MRC1: variants seen among roughly 807,000 people sequenced by gnomAD.
The protein encoded by MRC1 is mannose receptor C-type 1.
In MRC1, 62 loss-of-function variants were observed where a neutral mutation model predicts 102.9. That is an observed-to-expected ratio of 0.60 (90% CI 0.49 to 0.74). The LOEUF is 0.74. MRC1 is among the 30% of genes least tolerant of loss of function. The probability of loss-of-function intolerance (pLI) is 0.00; values close to 1 mark genes in which losing one functional copy is unlikely to be tolerated. For missense variants in MRC1, 1,237 were observed against 862.8 expected, an observed-to-expected ratio of 1.43 and a Z score of -5.43; for synonymous variants, 457 against 298.4, an observed-to-expected ratio of 1.53 and a Z score of -5.48.
intron 3 of MRC1, among the ~76,000 whole-genome samples, chr10:17,829,274 C>T (rs1838532150): frequency 6.6e-6 from 1 of 151,448 alleles, no homozygotes. Flanking sequence ...TAAAAAATAC[C>T]TGAATTTGAC....
At chr10:17,827,407 A>ATCCCTCTGTGGGTGC in intron 2 of MRC1, 135 bp from the exon 3 acceptor site, 2 of 305,332 alleles carry the variant, frequency 6.6e-6, no homozygotes, top group East Asian at 6.2e-5. Context: ...AAAAAAAAAA[A>ATCCCTCTGTGGGTGC]AAAGAAATCC....
At chr10:17,829,569 T>G (rs1838537865) in intron 3 of MRC1, among the ~76,000 whole-genome samples, 1 of 151,560 alleles carries the variant, frequency 6.6e-6, no homozygotes, top group Non-Finnish European at 1.5e-5. Context: ...AGATGTCGAA[T>G]TTTGTATTCG....
intron 21 of MRC1, among the ~76,000 whole-genome samples, 182 bp downstream of exon 21, chr10:17,881,363 A>G (rs1833514933): frequency 6.6e-6 from 1 of 152,208 alleles, no homozygotes; most frequent in African/African-American, 2.4e-5. Flanking sequence ...TAAGCTGTTT[A>G]TTTTATATAA....
chr10:17,897,222 T>C (rs1022608549), intron 23 of MRC1, among the ~76,000 whole-genome samples: 3 of 152,212 alleles, frequency 2.0e-5, no homozygotes, highest in Non-Finnish European at 4.4e-5. Flanking sequence ...CTGGCTATTA[T>C]TTGCTGACTT....
intron 15 of MRC1, 54 bp from the exon 16 acceptor site, chr10:17,873,730 G>A (rs1589187928): frequency 1.2e-6 from 1 of 856,932 alleles, no homozygotes; most frequent in East Asian, 2.4e-5. Context: ...AGAAGGAAAT[G>A]TAATTAGCAG....
intron 24 of MRC1, among the ~76,000 whole-genome samples, chr10:17,900,503 G>C (rs1366372039): frequency 6.6e-6 from 1 of 152,082 alleles, no homozygotes; most frequent in East Asian, 1.9e-4. Context: ...CAAACAAGGG[G>C]AGTTTCACGG....
chr10:17,826,289 G>A (rs1032471679), intron 2 of MRC1, among the ~76,000 whole-genome samples: 2 of 151,804 alleles, frequency 1.3e-5, no homozygotes, highest in Non-Finnish European at 2.9e-5. Flanking sequence ...AGCAACCTCC[G>A]CCTCCCGGGT....
intron 18 of MRC1, among the ~76,000 whole-genome samples, chr10:17,878,306 G>T (rs1833464645): frequency 6.6e-6 from 1 of 152,120 alleles, no homozygotes; most frequent in African/African-American, 2.4e-5. Flanking sequence ...AATCCCATCT[G>T]GGATGATAAC....
At chr10:17,901,824 A>C (rs1034592819) in intron 25 of MRC1, 149 bp from the exon 26 acceptor site, 12 of 722,228 alleles carry the variant, frequency 1.7e-5, no homozygotes, top group East Asian at 1.2e-4. Context: ...AAGGAAACCC[A>C]ATAATAAATA....
At chr10:17,820,321 T>TA (rs2130585386) in intron 1 of MRC1, among the ~76,000 whole-genome samples, 1 of 152,146 alleles carries the variant, frequency 6.6e-6, no homozygotes, top group Admixed American at 6.5e-5. Context: ...CTCCTAGGTT[T>TA]TTAGCTTATA....
intron 22 of MRC1, among the ~76,000 whole-genome samples, chr10:17,887,621 A>G (rs1474241753): frequency 6.6e-6 from 1 of 152,184 alleles, no homozygotes; most frequent in East Asian, 1.9e-4. Flanking sequence ...TTGTTTCTAG[A>G]ACATAAAGAA....
chr10:17,826,915 T>A (rs1838484658), intron 2 of MRC1, among the ~76,000 whole-genome samples: 1 of 152,342 alleles, frequency 6.6e-6, no homozygotes, highest in African/African-American at 2.4e-5. Flanking sequence ...TGGTCATTGT[T>A]GAGGAACTCA....
At chr10:17,887,514 G>A (rs1196984588) in intron 22 of MRC1, among the ~76,000 whole-genome samples, 2 of 152,242 alleles carry the variant, frequency 1.3e-5, no homozygotes, top group East Asian at 1.9e-4. Flanking sequence ...CTGAAGAAGC[G>A]AAAGTAGAAT....
chr10:17,894,383 T>C (rs1426350716), intron 23 of MRC1, 71 bp downstream of exon 23: 1 of 725,972 alleles, frequency 1.4e-6, no homozygotes, highest in Non-Finnish European at 2.4e-6. Context: ...TCTTTCTTTC[T>C]TTCTTTCTTT....
intron 2 of MRC1, among the ~76,000 whole-genome samples, chr10:17,827,192 AC>A (rs1226940697): frequency 1.3e-5 from 2 of 151,962 alleles, no homozygotes; most frequent in African/African-American, 4.8e-5. Flanking sequence ...TGTCATTGGT[AC>A]CACTTTGAAT....
intron 26 of MRC1, among the ~76,000 whole-genome samples, chr10:17,902,812 A>T (rs999528563): frequency 6.6e-6 from 1 of 152,170 alleles, no homozygotes; most frequent in Non-Finnish European, 1.5e-5. Flanking sequence ...AGCTTTGTAC[A>T]GTGGCAGTAT....
chr10:17,893,674 A>C (rs945178739), intron 22 of MRC1, among the ~76,000 whole-genome samples: 15 of 152,350 alleles, frequency 9.8e-5, no homozygotes, highest in African/African-American at 3.6e-4. Context: ...ATTCACAACC[A>C]AACAAATATA....
At chr10:17,844,401 G>T (rs1731732453) in intron 5 of MRC1, among the ~76,000 whole-genome samples, 1 of 151,280 alleles carries the variant, frequency 6.6e-6, no homozygotes, top group South Asian at 2.1e-4. Flanking sequence ...TGTATTTTTA[G>T]TAGAAATGGG....
chr10:17,866,326 TA>T (rs1386952730), intron 11 of MRC1, among the ~76,000 whole-genome samples: 3 of 125,018 alleles, frequency 2.4e-5, no homozygotes, highest in Admixed American at 2.3e-4. Flanking sequence ...AGAGAAGCAG[TA>T]AACTATTTTT....
Sources: gnomAD v4.1 joint callset for allele counts (sites outside exome capture counted in the v4.1 genomes callset) on GRCh38, gnomAD v4.1.1 for gene constraint, MANE v1.5 for transcripts, NCBI Gene and HGNC (gene_info 2026-07-23, HGNC 2026-07-21) for gene names.